Variants in CALB2 observed in about 807,000 individuals in gnomAD.
The protein encoded by CALB2 is calbindin 2, also known as calretinin.
Under a neutral mutation model 45.9 loss-of-function variants are expected in CALB2, and 34 were observed. The observed-to-expected ratio is 0.74, with a 90% CI of 0.56 to 0.99. The LOEUF is 0.99. CALB2 is among the 50% of genes least tolerant of loss of function. The pLI is 0.00. For synonymous variants in CALB2, 142 were observed against 129.6 expected, an observed-to-expected ratio of 1.10 and a Z score of -0.65; for missense variants, 344 against 339.3, an observed-to-expected ratio of 1.01 and a Z score of -0.11.
At chr16:71,366,020 C>CTTTTTTTTTTTTT (rs2042281945) in intron 1 of CALB2, among the ~76,000 whole-genome samples, 3 of 28,864 alleles carry the variant, frequency 1.0e-4, no homozygotes, top group Non-Finnish European at 2.2e-4. Flanking sequence ...TTCCCTCTCT[C>CTTTTTTTTTTTTT]TCTCTTTTTT....
chr16:71,379,334 T>C (rs2042458303), intron 4 of CALB2, among the ~76,000 whole-genome samples: 1 of 152,050 alleles, frequency 6.6e-6, no homozygotes, highest in Non-Finnish European at 1.5e-5. Flanking sequence ...ATTCCCCTCT[T>C]GGCAATATAA....
In CALB2 at chr16:71,383,370, T is replaced by A. The variant is rs751347567; in HGVS notation, c.403T>A (p.Phe135Ile). Reference protein sequence around the residue: ...GYIEANELKGFLSDLLKKANR... With the variant: ...GYIEANELKGILSDLLKKANR... ...AAAGAGGCCTTTTGTGTTGCAGGGA[T>A]TCCTGTCAGACCTGCTGAAGAAGGC... The change falls in exon 6 of 11, where the codon TTC (phenylalanine) becomes ATC (isoleucine). Residue 135 changes from phenylalanine to isoleucine, a missense_variant. Around this residue, in one of 3 missense-constraint regions of CALB2, gnomAD observed 263 missense variants for 241.7 expected, o/e 1.09. Transcript: ENST00000302628. 3 of 1,614,070 alleles carry A rather than the reference T, an allele frequency of 1.9e-6. No homozygotes were observed. Among genetic ancestry groups the A allele is most frequent in the Non-Finnish European group, 2.5e-6 (3 of 1,179,964 alleles).
At chr16:71,374,724 G>T in intron 2 of CALB2, 21 bp from the exon 3 acceptor site, 1 of 1,546,836 alleles carries the variant, frequency 6.5e-7, no homozygotes, top group Non-Finnish European at 8.9e-7. Context: ...GCAAAAATCA[G>T]CCCCCTTTGT....
intron 1 of CALB2, among the ~76,000 whole-genome samples, chr16:71,371,442 G>A (rs1236725241): frequency 6.6e-6 from 1 of 152,196 alleles, no homozygotes; most frequent in African/African-American, 2.4e-5. Flanking sequence ...CACATTTCTA[G>A]AGGCTAGAAG....
intron 2 of CALB2, among the ~76,000 whole-genome samples, chr16:71,372,809 G>T (rs2042368388): frequency 6.6e-6 from 1 of 152,212 alleles, no homozygotes; most frequent in Admixed American, 6.5e-5. Flanking sequence ...GTGGGAGACT[G>T]GGGGCAGAAT....
chr16:71,371,810 G>C (rs1387116265), intron 1 of CALB2, among the ~76,000 whole-genome samples: 1 of 152,160 alleles, frequency 6.6e-6, no homozygotes, highest in African/African-American at 2.4e-5. Context: ...CCTCTGACCA[G>C]GTCCCGCCAC....
At chr16:71,381,859 T>A (rs28370469) in intron 4 of CALB2, among the ~76,000 whole-genome samples, 1 of 151,494 alleles carries the variant, frequency 6.6e-6, no homozygotes, top group African/African-American at 2.4e-5. Context: ...TACAAAAAAA[T>A]AAAAAATTAG....
intron 3 of CALB2, among the ~76,000 whole-genome samples, chr16:71,375,082 G>A (rs1450851654): frequency 6.6e-6 from 1 of 152,242 alleles, no homozygotes; most frequent in Non-Finnish European, 1.5e-5. Flanking sequence ...GGGGCCAACA[G>A]GTATTGTAAC....
At position 71,360,812 on chromosome 16, in the gene CALB2, C is replaced by T. The variant is rs140597858; in HGVS notation, c.94+1926C>T. ...CCTTATACAGATGAGGAAACAGACA[C>T]AGGGGTTGACTTTTCCGAGGTCATG... On this transcript the variant is annotated intron_variant, in intron 1 of 10. Transcript: ENST00000302628. Among the ~76,000 whole-genome samples, 282 of 152,328 alleles carry T rather than the reference C, an allele frequency of 1.9e-3. 1 individual carries two copies. The highest frequency in any genetic ancestry group is 6.4e-3 in the African/African-American group (264 of 41,564).
At chr16:71,380,709 T>C (rs916109914) in intron 4 of CALB2, among the ~76,000 whole-genome samples, 1 of 152,094 alleles carries the variant, frequency 6.6e-6, no homozygotes, top group African/African-American at 2.4e-5. Flanking sequence ...CCTCCCACAG[T>C]ACTGTCCCAC....
At chr16:71,384,069 G>A (rs1236020159) in intron 7 of CALB2, 44 bp downstream of exon 7, 2 of 1,589,358 alleles carry the variant, frequency 1.3e-6, no homozygotes, top group Non-Finnish European at 8.6e-7. Flanking sequence ...GCTCCCACAG[G>A]TCATTCCTGT....
intron 4 of CALB2, among the ~76,000 whole-genome samples, chr16:71,378,764 A>G (rs1179488246): frequency 6.6e-6 from 1 of 152,212 alleles, no homozygotes; most frequent in East Asian, 1.9e-4. Flanking sequence ...TGAGAAATCA[A>G]GCAATAAAGA....
At chr16:71,386,432 G>A (rs1247677255) in intron 10 of CALB2, among the ~76,000 whole-genome samples, 1 of 152,236 alleles carries the variant, frequency 6.6e-6, no homozygotes, top group Non-Finnish European at 1.5e-5. Context: ...ATGAACTGCA[G>A]AATCGGGAGC....
intron 8 of CALB2, 38 bp from the exon 9 acceptor site, chr16:71,384,745 C>T (rs754098924): frequency 6.3e-6 from 9 of 1,418,894 alleles, no homozygotes; most frequent in South Asian, 1.3e-5. Flanking sequence ...CACACCACTG[C>T]GCTTCTGCTT....
intron 10 of CALB2, among the ~76,000 whole-genome samples, chr16:71,387,269 A>G (rs1327487293): frequency 6.6e-6 from 1 of 152,206 alleles, no homozygotes; most frequent in Non-Finnish European, 1.5e-5. Context: ...AACAAAAGTA[A>G]AGATTCTGCT....
At chr16:71,368,600 C>A (rs1024686201) in intron 1 of CALB2, among the ~76,000 whole-genome samples, 1 of 152,158 alleles carries the variant, frequency 6.6e-6, no homozygotes, top group Admixed American at 6.5e-5. Context: ...CGTTCTGGTC[C>A]TCCCTGGCTG....
At chr16:71,365,379 T>A (rs893716823) in intron 1 of CALB2, among the ~76,000 whole-genome samples, 1 of 152,082 alleles carries the variant, frequency 6.6e-6, no homozygotes, top group African/African-American at 2.4e-5. Flanking sequence ...ACATCTTGAG[T>A]GTGCTGAAGG....
chr16:71,382,080 AAGAAAGAAAG>A (rs1343257311), intron 4 of CALB2, among the ~76,000 whole-genome samples: 2 of 139,420 alleles, frequency 1.4e-5, no homozygotes, highest in East Asian at 4.1e-4. Flanking sequence ...GAGGGGGAGG[AAGAAAGAAAG>A]AGAAAGGAAG....
At chr16:71,365,334 TAC>T (rs772235421) in intron 1 of CALB2, among the ~76,000 whole-genome samples, 5 of 152,182 alleles carry the variant, frequency 3.3e-5, no homozygotes, top group Non-Finnish European at 7.3e-5. Flanking sequence ...CTGCGAGTGC[TAC>T]ACAGACTGGT....
Sources: gnomAD v4.1 joint callset for allele counts (sites outside exome capture counted in the v4.1 genomes callset) on GRCh38, gnomAD v4.1.1 for gene constraint, gnomAD v4.1.1 regional missense constraint, MANE v1.5 for transcripts, NCBI Gene and HGNC (gene_info 2026-07-23, HGNC 2026-07-21) for gene names.